The following SULF1 variants were observed in gnomAD, a reference collection of about 807,000 sequenced individuals.
SULF1 encodes the protein extracellular sulfatase Sulf-1.
A neutral mutation model predicts 110.5 loss-of-function variants in SULF1; 46 were observed. The observed-to-expected ratio is 0.42, with a 90% CI of 0.33 to 0.53. SULF1 has a LOEUF of 0.53. Among genes scored for constraint, SULF1 ranks in the 20% least tolerant of loss-of-function variants. The pLI, the probability that SULF1 is intolerant of heterozygous loss-of-function variation, is 0.12. For synonymous variants in SULF1, 371 were observed against 387.1 expected, an observed-to-expected ratio of 0.96 and a Z score of 0.49; for missense variants, 941 against 1,094.2, an observed-to-expected ratio of 0.86 and a Z score of 1.98.
At chr8:69,537,137 G>A (rs906830757) in intron 3 of SULF1, among the ~76,000 whole-genome samples, 1 of 152,116 alleles carries the variant, frequency 6.6e-6, no homozygotes, top group African/African-American at 2.4e-5. Flanking sequence ...ACAGCATTAG[G>A]AGACTCTGTG....
intron 5 of SULF1, among the ~76,000 whole-genome samples, chr8:69,571,189 T>C (rs1805204430): frequency 6.6e-6 from 1 of 152,176 alleles, no homozygotes; most frequent in Non-Finnish European, 1.5e-5. Flanking sequence ...CAGATGTAGA[T>C]TACAGAGAAG....
chr8:69,602,554 G>C (rs1039135823), intron 10 of SULF1, among the ~76,000 whole-genome samples: 2 of 152,256 alleles, frequency 1.3e-5, no homozygotes, highest in African/African-American at 4.8e-5. Context: ...GACAGCGTCA[G>C]TGCCCCTCTC....
chr8:69,520,571 T>C (rs1445502141), intron 3 of SULF1, among the ~76,000 whole-genome samples: 1 of 152,192 alleles, frequency 6.6e-6, no homozygotes, highest in Non-Finnish European at 1.5e-5. Flanking sequence ...CTAAGCAAAA[T>C]GACATTTAAA....
intron 3 of SULF1, among the ~76,000 whole-genome samples, chr8:69,538,451 G>A (rs544780120): frequency 1.3e-5 from 2 of 152,116 alleles, no homozygotes; most frequent in East Asian, 3.9e-4. Context: ...CTAAGGCCGG[G>A]CCCCTTTCTG....
At chr8:69,643,168 G>C (rs748296013) in intron 22 of SULF1, among the ~76,000 whole-genome samples, 1 of 152,224 alleles carries the variant, frequency 6.6e-6, no homozygotes, top group Non-Finnish European at 1.5e-5. Context: ...TGGTTTCTCA[G>C]AAAATATCTG....
intron 1 of SULF1, among the ~76,000 whole-genome samples, chr8:69,480,671 G>A (rs1002205219): frequency 2.0e-5 from 3 of 152,080 alleles, no homozygotes; most frequent in Admixed American, 6.5e-5. Context: ...GATTATAAAT[G>A]TATTTCCTAG....
At chr8:69,653,808 T>C (rs563124636) in intron 22 of SULF1, among the ~76,000 whole-genome samples, 1 of 152,136 alleles carries the variant, frequency 6.6e-6, no homozygotes, top group Non-Finnish European at 1.5e-5. Flanking sequence ...GACACTCTTA[T>C]CTCCCTGGAG....
At chr8:69,596,285 T>C (rs113224680) in intron 8 of SULF1, among the ~76,000 whole-genome samples, 31 of 152,306 alleles carry the variant, frequency 2.0e-4, no homozygotes, top group African/African-American at 6.3e-4. Context: ...TCTTCCCAGG[T>C]TAGGCACACG....
chr8:69,505,487 TTTA>T (rs1161167268), intron 3 of SULF1, among the ~76,000 whole-genome samples: 1 of 152,156 alleles, frequency 6.6e-6, no homozygotes, highest in Non-Finnish European at 1.5e-5. Flanking sequence ...GATGGAAAAT[TTTA>T]TTATAAGGAT....
chr8:69,632,032 G>A (rs895803220), intron 19 of SULF1, among the ~76,000 whole-genome samples: 2 of 152,164 alleles, frequency 1.3e-5, no homozygotes, highest in African/African-American at 4.8e-5. Context: ...CAAAGGAATT[G>A]CTTAGTCAAT....
intron 7 of SULF1, 55 bp from the exon 8 acceptor site, chr8:69,588,917 A>G (rs1806666653): frequency 1.3e-6 from 2 of 1,552,264 alleles, no homozygotes; most frequent in Non-Finnish European, 1.8e-6. Flanking sequence ...TTCAAATGCG[A>G]TCTGATGAAT....
intron 19 of SULF1, among the ~76,000 whole-genome samples, chr8:69,635,204 A>G (rs62512185): frequency 0.04 from 6,144 of 152,372 alleles, 177 homozygotes; most frequent in Middle Eastern, 0.095. Flanking sequence ...AAACTACTCT[A>G]TGTGATACAA....
chr8:69,488,101 A>G (rs1227654198), upstream of SULF1, among the ~76,000 whole-genome samples: 1 of 152,250 alleles, frequency 6.6e-6, no homozygotes, highest in Non-Finnish European at 1.5e-5. Flanking sequence ...ACCAAAGTCT[A>G]GTGCAAACAT....
Position 69,493,532 on chromosome 8 carries a change from T to C in SULF1, c.-391+407T>C, listed in dbSNP as rs144340236. On this transcript the variant is annotated intron_variant, in intron 1 of 22. Coordinates refer to ENST00000402687, the MANE Select transcript of SULF1 (RefSeq NM_001128205.2). ...GAGGAGCCCTAGTCACCTGGCTTGTTAGACAAGGAGAAATGATGCCACTTT... is the reference window on the plus strand; with the variant it reads ...GAGGAGCCCTAGTCACCTGGCTTGTCAGACAAGGAGAAATGATGCCACTTT... Among the ~76,000 whole-genome samples the C allele has an allele frequency of 4.8e-3, 732 of 151,972 alleles. 1 individual carries two copies. The highest frequency in any genetic ancestry group is 0.012 in the South Asian group (59 of 4,810).
chr8:69,536,438 G>C (rs1813433585), intron 3 of SULF1, among the ~76,000 whole-genome samples: 1 of 152,136 alleles, frequency 6.6e-6, no homozygotes. Context: ...AAAAATAGCT[G>C]ATATCTTACC....
chr8:69,637,592 A>AATTTC (rs1323431349), intron 19 of SULF1: 3 of 154,072 alleles, frequency 1.9e-5, no homozygotes, highest in African/African-American at 7.2e-5. Context: ...CCAATATCAA[A>AATTTC]CAGCAAATTT....
chr8:69,603,425 C>T (rs2130411539), intron 11 of SULF1, 105 bp downstream of exon 11: 1 of 1,549,412 alleles, frequency 6.5e-7, no homozygotes, highest in East Asian at 2.3e-5. Context: ...TATGCCTTGC[C>T]CACAAGGATC....
chr8:69,642,306 C>A (rs1013825379), intron 22 of SULF1: 2 of 987,142 alleles, frequency 2.0e-6, no homozygotes, highest in South Asian at 9.4e-5. Flanking sequence ...GAGAGAAGGT[C>A]ATTAGTCCAC....
Position 69,629,639 on chromosome 8 carries a change from G to T in SULF1, c.2244G>T (p.Thr748=), listed in dbSNP as rs781022709. The T allele has an allele frequency of 1.2e-6, 2 of 1,612,424 alleles. No individual in the cohort carries two copies. Among genetic ancestry groups the T allele is most frequent in the Admixed American group, 1.7e-5 (1 of 59,758 alleles). ...ECSLPGLTCF[T]HDNNHWQTAP... Reference sequence around the variant, plus strand: ...GCCTGCCTGGCCTCACTTGCTTCACGCATGACAACAACCACTGGCAGACAG... The same window carrying T: ...GCCTGCCTGGCCTCACTTGCTTCACTCATGACAACAACCACTGGCAGACAG... The change falls in exon 19 of 23, where the codon ACG becomes ACT. Residue 748 remains threonine (T), a synonymous_variant. Coordinates refer to ENST00000402687, the MANE Select transcript of SULF1 (RefSeq NM_001128205.2).
Sources: gnomAD v4.1 joint callset for allele counts (sites outside exome capture counted in the v4.1 genomes callset) on GRCh38, gnomAD v4.1.1 for gene constraint, MANE v1.5 for transcripts, NCBI Gene and HGNC (gene_info 2026-07-23, HGNC 2026-07-21) for gene names.